The following EXT2 variants were observed in gnomAD, a reference collection of about 807,000 sequenced individuals.
EXT2 encodes exostosin glycosyltransferase 2.
Under a neutral mutation model 81.6 loss-of-function variants are expected in EXT2, and 53 were observed. The observed-to-expected ratio is 0.65, with a 90% CI of 0.52 to 0.82. EXT2 has a LOEUF of 0.82. Ranked by LOEUF, EXT2 falls within the 40% of genes least tolerant of loss-of-function variation. EXT2 has a pLI of 0.00. For synonymous variants in EXT2, 320 were observed against 340.0 expected (o/e 0.94, Z 0.65); for missense variants, 774 against 910.2 (o/e 0.85, Z 1.93).
rs982552689 is a variant in EXT2, at chr11:44,248,967, TTTTTG to T, written c.*4684_*4688del. 5.9e-5 allele frequency among the ~76,000 whole-genome samples: 9 copies of T among 151,864 alleles called. No homozygotes were observed. The highest frequency in any genetic ancestry group is 2.2e-4 in the African/African-American group (9 of 41,240). On this transcript the variant is annotated 3_prime_UTR_variant, in exon 14 of 14. Coordinates refer to ENST00000533608, the MANE Select transcript of EXT2 (RefSeq NM_207122.2). Reference sequence around the variant, plus strand: ...TTTGCAACCATTTCAGGGTAGAGTTTTTTTGTTTGTTTGTTTGTTTGTTTTTGTTT... The same window carrying T: ...TTTGCAACCATTTCAGGGTAGAGTTTTTTGTTTGTTTGTTTGTTTTTGTTT...
Position 44,250,874 on chromosome 11 carries a change from G to A in EXT2, c.*6587G>A, listed in dbSNP as rs1476716158. 6.6e-6 allele frequency among the ~76,000 whole-genome samples: 1 copy of A among 152,202 alleles called. No homozygotes were observed. The highest frequency in any genetic ancestry group is 1.9e-4 in the East Asian group (1 of 5,190). On this transcript the variant is annotated 3_prime_UTR_variant, in exon 14 of 14. Transcript: ENST00000533608. The stretch of plus-strand genomic sequence containing the variant: ...TTCTGCCAGCGTCACTGCCTGCTTA[G>A]AAGTAAAGTTATGTTTCTCATTAAG...
At chr11:44,201,781 T>G (rs564495661) in intron 9 of EXT2, among the ~76,000 whole-genome samples, 2 of 152,372 alleles carry the variant, frequency 1.3e-5, no homozygotes, top group South Asian at 4.1e-4. Context: ...TTCTCCCTTC[T>G]CCTTCTACTG....
chr11:44,171,252 A>C (rs1415379349), intron 7 of EXT2, among the ~76,000 whole-genome samples: 1 of 152,244 alleles, frequency 6.6e-6, no homozygotes, highest in South Asian at 2.1e-4. Flanking sequence ...GAGTATGTAC[A>C]TATGTATAAA....
chr11:44,170,612 A>G (rs1455158621), intron 7 of EXT2, among the ~76,000 whole-genome samples: 4 of 152,218 alleles, frequency 2.6e-5, no homozygotes, highest in African/African-American at 9.6e-5. Flanking sequence ...TCAGGAATGA[A>G]AAGAGATGTA....
At chr11:44,170,587 G>GA (rs1381867148) in intron 7 of EXT2, among the ~76,000 whole-genome samples, 4 of 151,954 alleles carry the variant, frequency 2.6e-5, no homozygotes, top group Admixed American at 2.0e-4. Context: ...AGTACAAAGA[G>GA]AAAACACAAC....
At chr11:44,156,248 T>C (rs1954853998) in intron 7 of EXT2, among the ~76,000 whole-genome samples, 1 of 152,200 alleles carries the variant, frequency 6.6e-6, no homozygotes, top group South Asian at 2.1e-4. Flanking sequence ...AACCTTCTAA[T>C]ACTTGAATAT....
chr11:44,200,153 A>T (rs1200421792), intron 9 of EXT2, among the ~76,000 whole-genome samples: 62 of 146,692 alleles, frequency 4.2e-4, no homozygotes, highest in Admixed American at 8.8e-4. Context: ...ATATATTATA[A>T]AAAAAAAAAA....
chr11:44,168,907 A>G (rs984976784), intron 7 of EXT2, among the ~76,000 whole-genome samples: 1 of 152,146 alleles, frequency 6.6e-6, no homozygotes, highest in Non-Finnish European at 1.5e-5. Context: ...GGGTAAATAT[A>G]CGGTGAAAAT....
intron 7 of EXT2, among the ~76,000 whole-genome samples, chr11:44,155,067 A>G (rs1430127310): frequency 1.3e-5 from 2 of 151,684 alleles, no homozygotes; most frequent in Non-Finnish European, 2.9e-5. Flanking sequence ...TTGTCTCTTC[A>G]TTTTGTTGAT....
intron 7 of EXT2, among the ~76,000 whole-genome samples, chr11:44,160,073 G>T (rs904794295): frequency 3.3e-5 from 5 of 152,276 alleles, no homozygotes; most frequent in Admixed American, 3.3e-4. Flanking sequence ...AGCACCAAGG[G>T]GTTGTTCTCT....
intron 1 of EXT2, among the ~76,000 whole-genome samples, chr11:44,100,773 T>C (rs978457178): frequency 6.6e-6 from 1 of 152,154 alleles, no homozygotes; most frequent in Non-Finnish European, 1.5e-5. Context: ...TCTGCTAAAG[T>C]CAGGGCAATG....
chr11:44,158,540 ATAAAT>A (rs1287369696), intron 7 of EXT2, among the ~76,000 whole-genome samples: 9 of 150,746 alleles, frequency 6.0e-5, no homozygotes, highest in Middle Eastern at 3.2e-3. Flanking sequence ...TTAATTTTTA[ATAAAT>A]TAATTTAATT....
intron 8 of EXT2, among the ~76,000 whole-genome samples, chr11:44,186,361 C>T (rs1955311220): frequency 2.0e-5 from 3 of 152,100 alleles, no homozygotes; most frequent in African/African-American, 7.2e-5. Flanking sequence ...TTTAATATGG[C>T]TTATGTTGAA....
At chr11:44,134,754 A>T (rs1954541500) in intron 7 of EXT2, among the ~76,000 whole-genome samples, 1 of 152,178 alleles carries the variant, frequency 6.6e-6, no homozygotes, top group South Asian at 2.1e-4. Flanking sequence ...AGAATTTCCA[A>T]ACATTCTTTT....
At chr11:44,198,206 A>T in intron 9 of EXT2, 188 bp downstream of exon 9, 1 of 649,150 alleles carries the variant, frequency 1.5e-6, no homozygotes, top group South Asian at 1.8e-5. Context: ...GCCCTGGCAT[A>T]CTCTGTAGCC....
At chr11:44,130,767 A>C (rs894367016) in intron 7 of EXT2, among the ~76,000 whole-genome samples, 3 of 152,260 alleles carry the variant, frequency 2.0e-5, no homozygotes, top group Non-Finnish European at 2.9e-5. Context: ...AGTTAAGAAG[A>C]CTATCCCAAA....
At chr11:44,212,294 AAAATAT>A (rs1443440323) in intron 10 of EXT2, among the ~76,000 whole-genome samples, 1 of 110,062 alleles carries the variant, frequency 9.1e-6, no homozygotes, top group African/African-American at 4.1e-5. Context: ...TAAAAAAATA[AAAATAT>A]AAATAAATAA....
intron 7 of EXT2, among the ~76,000 whole-genome samples, chr11:44,164,481 ATACT>A (rs1310773750): frequency 1.1e-4 from 17 of 152,344 alleles, no homozygotes; most frequent in African/African-American, 3.8e-4. Flanking sequence ...CTTCTCTTAA[ATACT>A]TATTATTGCT....
At chr11:44,111,350 CCCT>C (rs1954139874) in intron 3 of EXT2, among the ~76,000 whole-genome samples, 1 of 152,058 alleles carries the variant, frequency 6.6e-6, no homozygotes, top group African/African-American at 2.4e-5. Context: ...TGCTTTGATT[CCCT>C]CCTCTGTTTT....
Sources: gnomAD v4.1 joint callset for allele counts (sites outside exome capture counted in the v4.1 genomes callset) on GRCh38, gnomAD v4.1.1 for gene constraint, MANE v1.5 for transcripts, NCBI Gene and HGNC (gene_info 2026-07-23, HGNC 2026-07-21) for gene names.